The following KCNQ5 variants were observed in gnomAD, a reference collection of about 807,000 sequenced individuals.
KCNQ5 encodes the protein potassium voltage-gated channel subfamily KQT member 5.
A neutral mutation model predicts 98.2 loss-of-function variants in KCNQ5; 30 were observed. The observed-to-expected ratio is 0.31, with a 90% CI of 0.23 to 0.41. The LOEUF (loss-of-function observed/expected upper bound fraction) is 0.41. Among genes scored for constraint, KCNQ5 ranks in the 10% least tolerant of loss-of-function variants. The pLI, the probability that KCNQ5 is intolerant of heterozygous loss-of-function variation, is 1.00. For missense variants in KCNQ5, 835 were observed against 1,182.5 expected, an observed-to-expected ratio of 0.71 and a Z score of 4.31; for synonymous variants, 458 against 449.4, an observed-to-expected ratio of 1.02 and a Z score of -0.24.
At chr6:73,133,061 A>T (rs979503150) in intron 9 of KCNQ5, among the ~76,000 whole-genome samples, 32 of 152,262 alleles carry the variant, frequency 2.1e-4, no homozygotes, top group Non-Finnish European at 1.8e-4. Flanking sequence ...ATAATTTTTT[A>T]AATCTCAAAA....
intron 7 of KCNQ5, among the ~76,000 whole-genome samples, chr6:73,118,088 T>C (rs1775580703): frequency 6.6e-6 from 1 of 152,212 alleles, no homozygotes; most frequent in Non-Finnish European, 1.5e-5. Flanking sequence ...AAGTACAATG[T>C]GCATGCAGAA....
rs570279821 is a variant in KCNQ5 at position 72,905,965 on chromosome 6, G to GTA, written c.399-97938_399-97937dup. Among the ~76,000 whole-genome samples the GTA allele has an allele frequency of 1.1e-3, 175 of 152,264 alleles. 1 individual carries two copies. Among genetic ancestry groups the GTA allele is most frequent in the African/African-American group, 3.9e-3 (161 of 41,544 alleles). On this transcript the variant is annotated intron_variant, in intron 1 of 13. Coordinates refer to ENST00000370398, the MANE Select transcript of KCNQ5 (RefSeq NM_019842.4). ...GGACAGGGCCGTAGAACTCCCAAAAGTATATACCCTTTGTGTTCAGTTACC... is the reference window on the plus strand; with the variant it reads ...GGACAGGGCCGTAGAACTCCCAAAAGTATATATACCCTTTGTGTTCAGTTACC...
chr6:73,095,795 G>C (rs758202305), intron 5 of KCNQ5, among the ~76,000 whole-genome samples: 1 of 152,108 alleles, frequency 6.6e-6, no homozygotes, highest in Non-Finnish European at 1.5e-5. Context: ...TCTCAGCCGT[G>C]GATGCTAGCA....
At chr6:72,771,548 T>C (rs995574972) in intron 1 of KCNQ5, among the ~76,000 whole-genome samples, 1 of 152,064 alleles carries the variant, frequency 6.6e-6, no homozygotes, top group Non-Finnish European at 1.5e-5. Context: ...ATTAGTGATG[T>C]AGAGCACCTT....
chr6:72,767,548 G>C (rs1446737281), intron 1 of KCNQ5, among the ~76,000 whole-genome samples: 1 of 151,848 alleles, frequency 6.6e-6, no homozygotes, highest in East Asian at 1.9e-4. Context: ...AAAGTGAAAA[G>C]AGAACCCACA....
At chr6:72,826,389 T>G (rs1266628100) in intron 1 of KCNQ5, among the ~76,000 whole-genome samples, 1 of 152,070 alleles carries the variant, frequency 6.6e-6, no homozygotes, top group East Asian at 1.9e-4. Context: ...TCTATCAGTC[T>G]TTCACATCAA....
At chr6:73,096,710 G>A (rs112826387) in intron 5 of KCNQ5, among the ~76,000 whole-genome samples, 5,225 of 152,248 alleles carry the variant, frequency 0.034, 271 homozygotes, top group African/African-American at 0.12. Context: ...TCATTACATC[G>A]TGCTAATTAA....
chr6:72,779,268 G>T (rs1673868558), intron 1 of KCNQ5, among the ~76,000 whole-genome samples: 1 of 152,170 alleles, frequency 6.6e-6, no homozygotes. Context: ...GAGAGGCCCA[G>T]GCCAGGGTCA....
intron 1 of KCNQ5, among the ~76,000 whole-genome samples, chr6:72,942,325 A>G (rs1207499082): frequency 7.2e-5 from 11 of 152,232 alleles, no homozygotes; most frequent in Middle Eastern, 3.2e-3. Flanking sequence ...CTTATTCTGC[A>G]TAAATTAATG....
chr6:72,806,899 C>A, intron 1 of KCNQ5: 1 of 401,868 alleles, frequency 2.5e-6, no homozygotes, highest in Admixed American at 3.4e-5. Context: ...CGACAAACAG[C>A]TTTACAGTTT....
At position 72,896,752 on chromosome 6, in the gene KCNQ5, G is replaced by A. The variant is rs116701806; in HGVS notation, c.399-107156G>A. Among the ~76,000 whole-genome samples the A allele has an allele frequency of 2.8e-3, 426 of 152,230 alleles. 2 individuals carry two copies. The highest frequency in any genetic ancestry group is 0.01 in the African/African-American group (416 of 41,532). ...TCTGAAGTCTTCCAAGTTGGAAAAAGTGCCGCTCCTAGAATTGGTAGGACT... is the reference window on the plus strand; with the variant it reads ...TCTGAAGTCTTCCAAGTTGGAAAAAATGCCGCTCCTAGAATTGGTAGGACT... On this transcript the variant is annotated intron_variant, in intron 1 of 13. Transcript: ENST00000370398.
At chr6:72,835,932 A>C (rs1461169877) in intron 1 of KCNQ5, among the ~76,000 whole-genome samples, 1 of 152,200 alleles carries the variant, frequency 6.6e-6, no homozygotes, top group Non-Finnish European at 1.5e-5. Context: ...TCAGTTCCAC[A>C]TTCACACATC....
chr6:72,707,476 G>A (rs868219936), intron 1 of KCNQ5, among the ~76,000 whole-genome samples: 1 of 152,012 alleles, frequency 6.6e-6, no homozygotes, highest in South Asian at 2.1e-4. Flanking sequence ...GATTCAGTAG[G>A]GAATGAAACA....
intron 1 of KCNQ5, among the ~76,000 whole-genome samples, chr6:72,767,052 C>T (rs781159640): frequency 1.3e-5 from 2 of 151,852 alleles, no homozygotes; most frequent in Non-Finnish European, 2.9e-5. Flanking sequence ...GGGTAAGGAA[C>T]AATCATAGCT....
chr6:73,023,908 G>T (rs1770732558), intron 2 of KCNQ5, among the ~76,000 whole-genome samples: 1 of 152,284 alleles, frequency 6.6e-6, no homozygotes, highest in South Asian at 2.1e-4. Flanking sequence ...TAGGGTAATT[G>T]CAGTAACCTG....
chr6:72,736,591 C>T (rs1226882364), intron 1 of KCNQ5, among the ~76,000 whole-genome samples: 1 of 144,958 alleles, frequency 6.9e-6, no homozygotes, highest in Non-Finnish European at 1.5e-5. Flanking sequence ...GCTCCGCCTC[C>T]CGGGTTCACG....
intron 1 of KCNQ5, among the ~76,000 whole-genome samples, chr6:72,744,956 G>A (rs536022632): frequency 1.3e-5 from 2 of 152,254 alleles, no homozygotes; most frequent in South Asian, 4.1e-4. Flanking sequence ...GAATGGATAT[G>A]GATTTATGGA....
In KCNQ5 at chr6:72,630,422, TG is replaced by T. The variant is rs149857463; in HGVS notation, c.398+7836del. 405 of 152,316 alleles carry T rather than the reference TG, an allele frequency of 2.7e-3. 4 individuals carry two copies. The highest frequency in any genetic ancestry group is 9.4e-3 in the African/African-American group (389 of 41,580). The allele number at this position is 152,316 out of a possible 1,614,324, so 9.4% of individuals were successfully genotyped here. The stretch of plus-strand genomic sequence containing the variant: ...TGTTATAATCCATCATTTCTCTTTT[TG>T]AACAGTCAATTTAGTTTAACATTTG... On this transcript the variant is annotated intron_variant, in intron 1 of 13. Transcript: ENST00000370398.
intron 1 of KCNQ5, among the ~76,000 whole-genome samples, chr6:72,830,520 T>G (rs941802251): frequency 6.6e-6 from 1 of 152,178 alleles, no homozygotes; most frequent in African/African-American, 2.4e-5. Flanking sequence ...CTGGGAAAAC[T>G]GGCTAGCCAT....
Sources: allele counts gnomAD v4.1 joint callset (sites outside exome capture counted in the v4.1 genomes callset), GRCh38; gene constraint gnomAD v4.1.1; transcripts MANE v1.5; gene names NCBI Gene and HGNC (gene_info 2026-07-23, HGNC 2026-07-21).